Variants in STK39 observed in about 807,000 individuals in gnomAD.
The protein encoded by STK39 is serine/threonine kinase 39.
STK39 carries 20 observed loss-of-function variants against 77.8 expected under a neutral mutation model. The ratio of observed to expected loss-of-function variants is 0.26; its 90% CI spans 0.18 to 0.37. STK39 has a LOEUF of 0.37. Among genes scored for constraint, STK39 ranks in the 10% least tolerant of loss-of-function variants. STK39 has a pLI of 1.00. For synonymous variants in STK39, 246 were observed against 234.1 expected (o/e 1.05, Z -0.47); for missense variants, 479 against 656.5 (o/e 0.73, Z 2.95).
At chr2:168,085,633 G>A (rs1039253986) in intron 10 of STK39, among the ~76,000 whole-genome samples, 3 of 152,196 alleles carry the variant, frequency 2.0e-5, no homozygotes, top group Non-Finnish European at 4.4e-5. Flanking sequence ...AAGCTCAAGA[G>A]CATATTTTAG....
At chr2:168,046,003 C>CA (rs1685230329) in intron 14 of STK39, among the ~76,000 whole-genome samples, 1 of 152,156 alleles carries the variant, frequency 6.6e-6, no homozygotes, top group African/African-American at 2.4e-5. Flanking sequence ...TCTCATTCCC[C>CA]AGATCAATAC....
chr2:168,234,218 T>G (rs1054562008), intron 1 of STK39, among the ~76,000 whole-genome samples: 1 of 152,178 alleles, frequency 6.6e-6, no homozygotes, highest in Non-Finnish European at 1.5e-5. Flanking sequence ...GAAATTACCA[T>G]CCAGCACCAC....
Position 167,955,514 on chromosome 2 carries a change from A to C in STK39, c.1620T>G (p.Ala540=). Residue 540 remains alanine (A), a synonymous_variant, in exon 18 of 18, where the codon GCT becomes GCG. Transcript: ENST00000355999. The part of the protein sequence containing the change: ...IPDEVKLIGF[A]QLSVS ...ACATACATCAGCTGACACTCAACTG[A>C]GCAAACCCAATCAGCTTCACTTCAT... 1 of 1,613,938 alleles carries C rather than the reference A, an allele frequency of 6.2e-7. No individual in the cohort carries two copies. Among genetic ancestry groups the C allele is most frequent in the South Asian group, 1.1e-5 (1 of 91,042 alleles).
chr2:168,049,892 T>C (rs4668012), intron 14 of STK39, among the ~76,000 whole-genome samples: 78,311 of 151,998 alleles, frequency 0.52, 20,914 homozygotes, highest in Admixed American at 0.57. Context: ...TCATGTACAT[T>C]AGGAGAGAAC....
chr2:168,139,425 A>ATAT lies in STK39; in HGVS notation c.840+863_840+864insATA, dbSNP rs1559115956. Among the ~76,000 whole-genome samples the ATAT allele has an allele frequency of 2.5e-3, 332 of 131,846 alleles. 3 individuals are homozygous for ATAT. Among genetic ancestry groups the ATAT allele is most frequent in the African/African-American group, 0.01 (308 of 30,418 alleles). 86.5% of individuals were successfully genotyped at this position (131,846 alleles called of 152,430 possible). On this transcript the variant is annotated intron_variant, in intron 7 of 17. Coordinates refer to ENST00000355999, the MANE Select transcript of STK39 (RefSeq NM_013233.3). ...AAAAAAATTTATATATATATATATAAAAACAATAAAATGAATTACACTGAA... is the reference window on the plus strand; with the variant it reads ...AAAAAAATTTATATATATATATATAATATAAACAATAAAATGAATTACACTGAA...
intron 17 of STK39, 97 bp from the exon 18 acceptor site, chr2:167,955,667 TTGGTATGGGACCA>T: frequency 8.5e-7 from 1 of 1,171,862 alleles, no homozygotes; most frequent in Non-Finnish European, 1.2e-6. Flanking sequence ...AAAGGCACAG[TTGGTATGGGACCA>T]TGTGTCCCAT....
intron 16 of STK39, among the ~76,000 whole-genome samples, chr2:167,992,464 A>T (rs1013180577): frequency 2.0e-5 from 3 of 152,194 alleles, no homozygotes; most frequent in Non-Finnish European, 4.4e-5. Flanking sequence ...ATGTGGGATG[A>T]ATTATTGACT....
chr2:168,011,713 C>T (rs927018434), intron 16 of STK39, among the ~76,000 whole-genome samples: 12 of 152,050 alleles, frequency 7.9e-5, no homozygotes, highest in African/African-American at 2.9e-4. Context: ...GAGCAGGCTC[C>T]CCTATCTCCG....
chr2:168,076,157 C>A (rs763105899), intron 10 of STK39, among the ~76,000 whole-genome samples: 1 of 152,184 alleles, frequency 6.6e-6, no homozygotes, highest in Admixed American at 6.5e-5. Context: ...AGAGAAACTT[C>A]GTGTGGAAAG....
intron 14 of STK39, among the ~76,000 whole-genome samples, chr2:168,021,692 T>G (rs2044680): frequency 6.6e-6 from 1 of 151,956 alleles, no homozygotes; most frequent in Non-Finnish European, 1.5e-5. Flanking sequence ...ATCCTTTTAA[T>G]CTTAAAATAA....
intron 10 of STK39, among the ~76,000 whole-genome samples, chr2:168,085,524 G>T (rs1219750698): frequency 6.6e-6 from 1 of 152,224 alleles, no homozygotes; most frequent in Non-Finnish European, 1.5e-5. Flanking sequence ...CCAGTCCTGA[G>T]GAGCCTCCTC....
chr2:168,057,997 T>TA (rs1685569635), intron 14 of STK39, among the ~76,000 whole-genome samples: 1 of 152,122 alleles, frequency 6.6e-6, no homozygotes, highest in Non-Finnish European at 1.5e-5. Context: ...TCATTCCCAT[T>TA]CACCTGTAAA....
At chr2:168,076,883 T>C (rs768209296) in intron 10 of STK39, among the ~76,000 whole-genome samples, 3 of 152,168 alleles carry the variant, frequency 2.0e-5, no homozygotes, top group South Asian at 2.1e-4. Context: ...CAAAGTACTA[T>C]AGAAAAAATG....
At chr2:168,017,739 GAAAAATACT>G in intron 14 of STK39, among the ~76,000 whole-genome samples, 1 of 151,556 alleles carries the variant, frequency 6.6e-6, no homozygotes, top group Non-Finnish European at 1.5e-5. Flanking sequence ...TTTTTTTCTT[GAAAAATACT>G]ATTTTATTAA....
intron 16 of STK39, among the ~76,000 whole-genome samples, chr2:168,006,303 C>T (rs986667668): frequency 2.0e-5 from 3 of 152,146 alleles, no homozygotes; most frequent in Admixed American, 6.5e-5. Flanking sequence ...CCTAACATAC[C>T]CACTGGTGTT....
intron 2 of STK39, among the ~76,000 whole-genome samples, chr2:168,171,584 C>T (rs1222091847): frequency 4.0e-5 from 6 of 151,576 alleles, no homozygotes; most frequent in Non-Finnish European, 5.9e-5. Context: ...CTTCCTGGCT[C>T]GAGCAATCTT....
chr2:168,171,398 C>A lies in STK39; in HGVS notation c.322-3991G>T, dbSNP rs114809479. Among the ~76,000 whole-genome samples the A allele has an allele frequency of 2.2e-3, 336 of 151,758 alleles. 2 individuals carry two copies. Among genetic ancestry groups the A allele is most frequent in the African/African-American group, 7.7e-3 (316 of 41,286 alleles). Reference sequence around the variant, plus strand: ...TGGTGAGGAATACAAAATAAAGTATCCTACCCTACAAATATGAGGAGTTGG... The same window carrying A: ...TGGTGAGGAATACAAAATAAAGTATACTACCCTACAAATATGAGGAGTTGG... On this transcript the variant is annotated intron_variant, in intron 2 of 17. Coordinates refer to ENST00000355999, the MANE Select transcript of STK39 (RefSeq NM_013233.3).
chr2:168,197,887 A>C (rs1689511894), intron 1 of STK39, among the ~76,000 whole-genome samples: 1 of 151,962 alleles, frequency 6.6e-6, no homozygotes, highest in Non-Finnish European at 1.5e-5. Context: ...AATACAAAAA[A>C]ATTAGCCAGG....
chr2:167,965,135 C>T (rs74745832), intron 16 of STK39, among the ~76,000 whole-genome samples: 2 of 84,598 alleles, frequency 2.4e-5, no homozygotes, highest in Non-Finnish European at 4.3e-5. Flanking sequence ...AAAAAAAAAA[C>T]AAAAAAAAAC....
Sources: allele counts gnomAD v4.1 joint callset (sites outside exome capture counted in the v4.1 genomes callset), GRCh38; gene constraint gnomAD v4.1.1; transcripts MANE v1.5; gene names NCBI Gene and HGNC (gene_info 2026-07-23, HGNC 2026-07-21).